The following DLG2 variants were observed in gnomAD, a reference collection of about 807,000 sequenced individuals.
DLG2 encodes disks large homolog 2.
In DLG2, 45 loss-of-function variants were observed where a neutral mutation model predicts 132.5. That is an observed-to-expected ratio of 0.34 (90% CI 0.27 to 0.44). The LOEUF is 0.44. Among genes scored for constraint, DLG2 ranks in the 20% least tolerant of loss-of-function variants. The pLI is 1.00. For missense variants in DLG2, 1,045 were observed against 1,196.9 expected, an observed-to-expected ratio of 0.87 and a Z score of 1.87; for synonymous variants, 424 against 419.6, an observed-to-expected ratio of 1.01 and a Z score of -0.13.
At chr11:85,509,172 T>C (rs1382010452) in intron 3 of DLG2, among the ~76,000 whole-genome samples, 3 of 151,976 alleles carry the variant, frequency 2.0e-5, no homozygotes, top group Non-Finnish European at 4.4e-5. Context: ...TTAATCACGG[T>C]TCAAGGAATC....
intron 7 of DLG2, among the ~76,000 whole-genome samples, chr11:84,505,270 A>G (rs2154512097): frequency 6.6e-6 from 1 of 152,284 alleles, no homozygotes; most frequent in African/African-American, 2.4e-5. Flanking sequence ...TTAGCTTTTA[A>G]ATTAAAAGTA....
intron 21 of DLG2, among the ~76,000 whole-genome samples, chr11:83,502,466 A>G (rs77328881): frequency 2.0e-5 from 3 of 151,640 alleles, no homozygotes; most frequent in Non-Finnish European, 4.4e-5. Flanking sequence ...CTAAAATATA[A>G]TCTCTATTTT....
intron 21 of DLG2, among the ~76,000 whole-genome samples, chr11:83,515,008 C>T (rs1374264307): frequency 4.6e-5 from 7 of 152,010 alleles, no homozygotes; most frequent in Non-Finnish European, 1.0e-4. Context: ...TGTGTCTCTG[C>T]CCAGCTTTGG....
chr11:84,582,784 G>T (rs1426164469), intron 6 of DLG2, among the ~76,000 whole-genome samples: 1 of 152,096 alleles, frequency 6.6e-6, no homozygotes, highest in African/African-American at 2.4e-5. Context: ...TAGATGTCCT[G>T]TTCAAATAAG....
intron 6 of DLG2, among the ~76,000 whole-genome samples, chr11:84,843,336 A>C (rs1243253090): frequency 6.6e-6 from 1 of 151,714 alleles, no homozygotes. Flanking sequence ...ATCTGTCTTA[A>C]ATTCTTATTC....
chr11:84,887,609 A>T (rs1032144200), intron 6 of DLG2, among the ~76,000 whole-genome samples: 2 of 152,108 alleles, frequency 1.3e-5, no homozygotes, highest in African/African-American at 4.8e-5. Flanking sequence ...CTTAATTAGG[A>T]TCAAGAGAAT....
rs563904993 is a variant in DLG2 at position 85,006,406 on chromosome 11, C to A, written c.357+105255G>T. Among the ~76,000 whole-genome samples, 3 of 152,206 alleles carry A rather than the reference C, an allele frequency of 2.0e-5. No homozygotes were observed. The East Asian group carries it at 5.8e-4, about 29-fold the overall frequency. On this transcript the variant is annotated intron_variant, in intron 6 of 27. Coordinates refer to ENST00000376104, the MANE Select transcript of DLG2 (RefSeq NM_001142699.3). ...ATTAATTACTGCCTGAATTTCAGAA[C>A]TTGTTATTGGCCTATTCAGGGACAC...
chr11:84,170,159 T>G (rs971287185), intron 8 of DLG2, among the ~76,000 whole-genome samples: 1 of 152,106 alleles, frequency 6.6e-6, no homozygotes, highest in East Asian at 1.9e-4. Context: ...ACTCCAAAAA[T>G]TGAGTTGTGT....
At chr11:83,946,334 A>C (rs965616769) in intron 14 of DLG2, among the ~76,000 whole-genome samples, 3 of 152,146 alleles carry the variant, frequency 2.0e-5, no homozygotes, top group African/African-American at 7.2e-5. Context: ...CAATGAATTT[A>C]AGACAGTGAT....
chr11:85,277,944 A>G (rs751687168), intron 4 of DLG2, among the ~76,000 whole-genome samples: 2 of 152,162 alleles, frequency 1.3e-5, no homozygotes, highest in Non-Finnish European at 2.9e-5. Flanking sequence ...ATAGCTGATA[A>G]TGCCATTTAC....
intron 7 of DLG2, among the ~76,000 whole-genome samples, chr11:84,489,082 A>G (rs1348172374): frequency 6.6e-6 from 1 of 152,134 alleles, no homozygotes; most frequent in East Asian, 1.9e-4. Context: ...AGAGGACTCA[A>G]ATTAGTTGTT....
At chr11:84,040,110 C>T (rs945916337) in intron 11 of DLG2, among the ~76,000 whole-genome samples, 2 of 150,912 alleles carry the variant, frequency 1.3e-5, no homozygotes, top group African/African-American at 4.9e-5. Flanking sequence ...ATTGTAGATT[C>T]TGGATATTAG....
At chr11:85,180,187 T>C (rs1379182658) in intron 4 of DLG2, among the ~76,000 whole-genome samples, 4 of 151,846 alleles carry the variant, frequency 2.6e-5, no homozygotes, top group Non-Finnish European at 5.9e-5. Flanking sequence ...CCATCCAAAG[T>C]TTGATTAAAC....
chr11:85,285,442 A>G, intron 3 of DLG2, 77 bp from the exon 4 acceptor site: 1 of 1,361,822 alleles, frequency 7.3e-7, no homozygotes, highest in Non-Finnish European at 1.0e-6. Flanking sequence ...ATGTCCATAT[A>G]TAGACATACA....
At chr11:84,813,697 T>C (rs1471116773) in intron 6 of DLG2, among the ~76,000 whole-genome samples, 4 of 152,060 alleles carry the variant, frequency 2.6e-5, no homozygotes, top group Non-Finnish European at 5.9e-5. Context: ...TTTGGGGATG[T>C]TGTCCTCATT....
chr11:83,816,442 A>C (rs2048944629), intron 17 of DLG2, among the ~76,000 whole-genome samples: 1 of 152,144 alleles, frequency 6.6e-6, no homozygotes, highest in Non-Finnish European at 1.5e-5. Flanking sequence ...ATTTGTGTCA[A>C]TATTTTGCTA....
At chr11:84,105,547 T>C (rs1444741057) in intron 9 of DLG2, among the ~76,000 whole-genome samples, 1 of 152,192 alleles carries the variant, frequency 6.6e-6, no homozygotes, top group Non-Finnish European at 1.5e-5. Flanking sequence ...AATTCATGCC[T>C]TATTTATTGA....
At chr11:83,682,316 T>A (rs2078971809) in intron 18 of DLG2, 1 of 985,370 alleles carries the variant, frequency 1.0e-6, no homozygotes. Context: ...CCTGATGAAT[T>A]ATAAAACAGC....
At chr11:83,852,758 G>C (rs998862579) in intron 16 of DLG2, among the ~76,000 whole-genome samples, 10 of 152,034 alleles carry the variant, frequency 6.6e-5, no homozygotes, top group Admixed American at 4.6e-4. Context: ...TCTAGGGGAG[G>C]CTTTACATAA....
Sources: gnomAD v4.1 joint callset for allele counts (sites outside exome capture counted in the v4.1 genomes callset) on GRCh38, gnomAD v4.1.1 for gene constraint, MANE v1.5 for transcripts, NCBI Gene and HGNC (gene_info 2026-07-23, HGNC 2026-07-21) for gene names.